The following MYO3B variants were observed in gnomAD, a reference collection of about 807,000 sequenced individuals.
MYO3B encodes the protein myosin-IIIb.
MYO3B carries 156 observed loss-of-function variants against 174.6 expected under a neutral mutation model. That is an observed-to-expected ratio of 0.89 (90% CI 0.78 to 1.02). The LOEUF (loss-of-function observed/expected upper bound fraction) is 1.02. Ranked by LOEUF, MYO3B falls within the 50% of genes least tolerant of loss-of-function variation. The pLI is 0.00. For synonymous variants in MYO3B, 563 were observed against 569.1 expected (o/e 0.99, Z 0.15); for missense variants, 1,632 against 1,639.4 (o/e 1.00, Z 0.08).
chr2:170,535,708 G>A (rs1430513996), intron 30 of MYO3B, among the ~76,000 whole-genome samples: 7 of 152,168 alleles, frequency 4.6e-5, no homozygotes, highest in Non-Finnish European at 8.8e-5. Context: ...GCACTGTCAT[G>A]GGATGAAATG....
chr2:170,354,908 A>C (rs2094108323), intron 8 of MYO3B, among the ~76,000 whole-genome samples: 1 of 151,850 alleles, frequency 6.6e-6, no homozygotes, highest in African/African-American at 2.4e-5. Context: ...TATCTTGCAA[A>C]AATTCAGTGC....
At chr2:170,565,011 GA>G (rs143264871) in intron 32 of MYO3B, among the ~76,000 whole-genome samples, 2,649 of 152,196 alleles carry the variant, frequency 0.017, 61 homozygotes, top group African/African-American at 0.05. Context: ...ACTGCAGGGG[GA>G]AAAACTCCTT....
intron 32 of MYO3B, among the ~76,000 whole-genome samples, chr2:170,573,742 A>G (rs1457825886): frequency 6.6e-6 from 1 of 152,188 alleles, no homozygotes; most frequent in Non-Finnish European, 1.5e-5. Flanking sequence ...TTTTTTTAAG[A>G]AAAAAGAGAC....
At chr2:170,215,728 G>A (rs749228021) in intron 5 of MYO3B, among the ~76,000 whole-genome samples, 33 of 152,248 alleles carry the variant, frequency 2.2e-4, no homozygotes, top group Non-Finnish European at 4.0e-4. Context: ...AGCAGAGGGA[G>A]CATTTTGTTT....
At chr2:170,407,581 T>TGCTTTGGATATGAAA (rs2094518288) in intron 21 of MYO3B, 134 bp from the exon 22 acceptor site, 3 of 645,582 alleles carry the variant, frequency 4.6e-6, no homozygotes, top group Middle Eastern at 2.7e-4. Flanking sequence ...CTTTATCTGG[T>TGCTTTGGATATGAAA]GCTCTGGATA....
intron 6 of MYO3B, among the ~76,000 whole-genome samples, chr2:170,227,349 A>G (rs34547468): frequency 0.033 from 5,024 of 152,154 alleles, 100 homozygotes; most frequent in African/African-American, 0.056. Context: ...TGGTGGTGTG[A>G]TTTTGGCTCA....
intron 8 of MYO3B, among the ~76,000 whole-genome samples, chr2:170,347,572 G>T (rs1558910671): frequency 6.6e-6 from 1 of 152,062 alleles, no homozygotes; most frequent in Non-Finnish European, 1.5e-5. Context: ...CTGCATTCCT[G>T]CCTGGGTGAT....
chr2:170,588,279 G>GA (rs375439497), intron 32 of MYO3B, among the ~76,000 whole-genome samples: 22 of 149,078 alleles, frequency 1.5e-4, no homozygotes, highest in South Asian at 4.3e-4. Context: ...ACAAAAAAAA[G>GA]AAAAAAAAAA....
intron 12 of MYO3B, among the ~76,000 whole-genome samples, chr2:170,384,378 A>T (rs2094358118): frequency 6.6e-6 from 1 of 152,164 alleles, no homozygotes. Flanking sequence ...CATTGCTCAT[A>T]TATCTAATCT....
At chr2:170,639,162 A>G (rs1408439676) in intron 32 of MYO3B, among the ~76,000 whole-genome samples, 1 of 152,080 alleles carries the variant, frequency 6.6e-6, no homozygotes, top group Non-Finnish European at 1.5e-5. Flanking sequence ...CTTTCATTCC[A>G]TTTTTATCTG....
chr2:170,461,717 A>G (rs1191099271), intron 23 of MYO3B, among the ~76,000 whole-genome samples: 2 of 151,776 alleles, frequency 1.3e-5, no homozygotes, highest in African/African-American at 4.8e-5. Context: ...TGGTGGTTGT[A>G]GTGAGCTGAG....
chr2:170,619,774 T>G (rs1217644457), intron 32 of MYO3B, among the ~76,000 whole-genome samples: 1 of 116,746 alleles, frequency 8.6e-6, no homozygotes, highest in African/African-American at 3.3e-5. Context: ...TGAGACAGAG[T>G]CTCGTTCTGT....
At chr2:170,530,224 T>C (rs1217224802) in intron 30 of MYO3B, among the ~76,000 whole-genome samples, 1 of 152,182 alleles carries the variant, frequency 6.6e-6, no homozygotes, top group African/African-American at 2.4e-5. Flanking sequence ...TAGAGAGCTC[T>C]CGTGAAACAG....
In MYO3B at chr2:170,410,892, G is replaced by GA. The variant is rs368708763; in HGVS notation, c.2650+3057dup. Among the ~76,000 whole-genome samples the GA allele has an allele frequency of 4.3e-3, 640 of 150,526 alleles. 1 individual carries two copies. Among genetic ancestry groups the GA allele is most frequent in the African/African-American group, 0.015 (611 of 40,992 alleles). On this transcript the variant is annotated intron_variant, in intron 22 of 34. Transcript: ENST00000408978. ...GAGAAGACCCCTTAAAATACAAAGA[G>GA]AAAAAAAAAGCTTGATGTGGTAGCG... is the stretch of plus-strand genomic sequence containing the variant.
In MYO3B at chr2:170,477,619, T is replaced by G. The variant is rs192245909; in HGVS notation, c.3014+10908T>G. 4.6e-5 allele frequency among the ~76,000 whole-genome samples: 7 copies of G among 151,804 alleles called. No homozygotes were observed. The East Asian group carries it at 1.4e-3, about 29-fold the overall frequency. On this transcript the variant is annotated intron_variant, in intron 25 of 34. Coordinates refer to ENST00000408978, the MANE Select transcript of MYO3B (RefSeq NM_138995.5). ...CAGAGTTTCTCAACCTCTGTGTTAT[T>G]GACATTTTGGACCAGATAATTCTTT...
intron 7 of MYO3B, among the ~76,000 whole-genome samples, chr2:170,268,253 G>A (rs967296338): frequency 1.3e-5 from 2 of 152,078 alleles, no homozygotes; most frequent in Non-Finnish European, 2.9e-5. Context: ...TGGAGAAAAG[G>A]GCAAACTCCA....
chr2:170,344,420 C>G (rs2105573646), intron 8 of MYO3B: 1 of 141,044 alleles, frequency 7.1e-6, no homozygotes, highest in South Asian at 2.2e-4. Context: ...GAGCCGAGAT[C>G]ACATCACTGC....
At chr2:170,265,276 G>A (rs2093374827) in intron 7 of MYO3B, among the ~76,000 whole-genome samples, 3 of 152,184 alleles carry the variant, frequency 2.0e-5, no homozygotes, top group South Asian at 4.1e-4. Flanking sequence ...TGAATTCTTA[G>A]CTTATAAATT....
intron 8 of MYO3B, among the ~76,000 whole-genome samples, chr2:170,358,152 CA>C (rs60194651): frequency 1.5e-3 from 204 of 134,550 alleles, no homozygotes; most frequent in African/African-American, 4.8e-3. Flanking sequence ...AACTCCTTCT[CA>C]AAAAAAAAAA....
Sources: gnomAD v4.1 joint callset for allele counts (sites outside exome capture counted in the v4.1 genomes callset) on GRCh38, gnomAD v4.1.1 for gene constraint, MANE v1.5 for transcripts, NCBI Gene and HGNC (gene_info 2026-07-23, HGNC 2026-07-21) for gene names.